RETREG2: variants seen among roughly 807,000 people sequenced by gnomAD.
RETREG2 encodes the protein reticulophagy regulator 2.
A neutral mutation model predicts 51.6 loss-of-function variants in RETREG2; 21 were observed. That is an observed-to-expected ratio of 0.41 (90% CI 0.29 to 0.59). The LOEUF (loss-of-function observed/expected upper bound fraction) is 0.59, where lower values mean the gene tolerates loss of function less well. Ranked by LOEUF, RETREG2 falls within the 20% of genes least tolerant of loss-of-function variation. The pLI, the probability that RETREG2 is intolerant of heterozygous loss-of-function variation, is 0.34. For missense variants in RETREG2, 674 were observed against 646.0 expected (o/e 1.04, Z -0.47); for synonymous variants, 339 against 288.6 (o/e 1.17, Z -1.77).
rs556058840 is a variant in RETREG2 at position 219,178,513 on chromosome 2, C to A, written c.161C>A (p.Thr54Lys). Residue 54 changes from threonine to lysine, a missense_variant, in exon 1 of 9, where the codon ACG (threonine) becomes AAG (lysine). Thr to Lys is a moderately conservative substitution (Grantham distance 78). Coordinates refer to ENST00000430297, the MANE Select transcript of RETREG2 (RefSeq NM_024293.6). The stretch of plus-strand genomic sequence containing the variant: ...GCCGAGGCGGTGGGACGCCTGGCCA[C>A]GACGCTGTGGCTGCGGCTCCGCGGC... ...ATAEAVGRLATTLWLRLRGWE... is the reference protein window; with the variant it reads ...ATAEAVGRLAKTLWLRLRGWE... 1 of 1,400,534 alleles carries A rather than the reference C, an allele frequency of 7.1e-7. No homozygotes were observed. The allele number at this position is 1,400,534 out of a possible 1,614,324, so 86.8% of individuals were successfully genotyped here.
rs1012316005 is a variant in RETREG2, at chr2:219,183,141, C to T, written c.*512C>T. 2 of 164,136 alleles carry T rather than the reference C, an allele frequency of 1.2e-5. No homozygotes were observed. Among genetic ancestry groups the T allele is most frequent in the African/African-American group, 2.4e-5 (1 of 41,650 alleles). 10.2% of individuals were successfully genotyped at this position (164,136 alleles called of 1,614,324 possible). A position where few individuals can be genotyped will look rare whatever the true frequency, so the allele number is the denominator to read the frequency against. On this transcript the variant is annotated 3_prime_UTR_variant, in exon 9 of 9. Coordinates refer to ENST00000430297, the MANE Select transcript of RETREG2 (RefSeq NM_024293.6). ...CATCCTTTGCCAGCTCCTCCTATCCCGTGGGCACTGGCCAAGCTTTAGGGA... is the reference window on the plus strand; with the variant it reads ...CATCCTTTGCCAGCTCCTCCTATCCTGTGGGCACTGGCCAAGCTTTAGGGA...
chr2:219,179,641 G>C (rs1448484975), intron 2 of RETREG2, 92 bp from the exon 3 acceptor site: 6 of 1,241,724 alleles, frequency 4.8e-6, no homozygotes, highest in Non-Finnish European at 5.9e-6. Context: ...AGGTGCTCTG[G>C]GGCTGCAGAG....
chr2:219,180,993 G>A lies in RETREG2; in HGVS notation c.641-69G>A, dbSNP rs1054171846. ...GCCTACCTTCAGCACTTCAGTTTAG[G>A]GACCAGTTGAATGGGGGCTCTTAGG... On this transcript the variant is annotated intron_variant, in intron 5 of 8. Transcript: ENST00000430297. 90 of 1,594,126 alleles carry A rather than the reference G, an allele frequency of 5.6e-5. 1 individual carries two copies. In the African/African-American group the frequency reaches 1.0e-3, roughly 19 times the overall value.
At chr2:219,181,299 CT>C in intron 6 of RETREG2, 69 bp from the exon 7 acceptor site, 1 of 1,606,488 alleles carries the variant, frequency 6.2e-7, no homozygotes, top group Non-Finnish European at 8.5e-7. Context: ...TTCTCCAGTT[CT>C]TTAGCTGTGT....
rs774776092 is a variant in RETREG2 at position 219,179,766 on chromosome 2, G to C, written c.419+3G>C. 6.2e-7 allele frequency: 1 copy of C among 1,613,992 alleles called. No individual in the cohort carries two copies. The highest frequency in any genetic ancestry group is 8.5e-7 in the Non-Finnish European group (1 of 1,179,876). On this transcript the variant is annotated splice_donor_region_variant and intron_variant, in intron 3 of 8. Transcript: ENST00000430297. ...CCAGAGGAGCCACACTCTGACAGGT[G>C]AGTACAGGCCACCTCTTGAAGACAA...
Position 219,180,727 on chromosome 2 carries a change from C to G in RETREG2, c.613C>G (p.Pro205Ala). The part of the protein sequence containing the change: ...AVLAVLGHYV[P>A]GIMISYIVLL... The stretch of plus-strand genomic sequence containing the variant: ...GTTGGCTGTGTTGGGACACTATGTT[C>G]CAGGGATTATGATTTCCTACATTGT... Residue 205 changes from proline to alanine, a missense_variant, in exon 5 of 9, where the codon CCA becomes GCA. By Grantham distance (27) the Pro-to-Ala change is conservative. Coordinates refer to ENST00000430297, the MANE Select transcript of RETREG2 (RefSeq NM_024293.6). 1 of 1,614,026 alleles carries G rather than the reference C, an allele frequency of 6.2e-7. No individual in the cohort carries two copies. The highest frequency in any genetic ancestry group is 8.5e-7 in the Non-Finnish European group (1 of 1,179,914).
intron 2 of RETREG2, among the ~76,000 whole-genome samples, 190 bp downstream of exon 2, chr2:219,179,218 C>G (rs1197379711): frequency 6.6e-6 from 1 of 152,298 alleles, no homozygotes; most frequent in Non-Finnish European, 1.5e-5. Flanking sequence ...ACTGTAGGTG[C>G]AGTGGTTAAG....
rs557648857 is a variant in RETREG2, at chr2:219,182,564, C to A, written c.1567C>A (p.Leu523Met). 6.2e-7 allele frequency: 1 copy of A among 1,614,206 alleles called. No individual in the cohort carries two copies. The highest frequency in any genetic ancestry group is 8.5e-7 in the Non-Finnish European group (1 of 1,180,034). ...TPPKPPDAPP[L>M]GPDIHSLVQS... ...GCCAAAACCCCCTGATGCTCCACCC[C>A]TGGGGCCCGACATCCATTCTCTGGT... The change falls in exon 9 of 9, where the codon CTG (leucine) becomes ATG (methionine). Residue 523 changes from leucine (L) to methionine (M), a missense_variant. Leu to Met is a conservative substitution (Grantham distance 15, BLOSUM62 2). Transcript: ENST00000430297.
Position 219,181,370 on chromosome 2 carries a change from G to C in RETREG2, c.786G>C (p.Lys262Asn). The C allele has an allele frequency of 6.2e-7, 1 of 1,613,980 alleles. No homozygotes were observed. ...GCTCTACTACTCTTGCTTTTCTAGAGCGTCAGGGGAAGAATGCACCCCCAG... is the reference window on the plus strand; with the variant it reads ...GCTCTACTACTCTTGCTTTTCTAGACCGTCAGGGGAAGAATGCACCCCCAG... ...NALHHKHDKR[K>N]RQGKNAPPGG... The change falls in exon 7 of 9, where the codon AAG becomes AAC. Residue 262 changes from lysine to asparagine, a missense_variant and splice_region_variant. Physicochemically the swap from Lys to Asn is moderately conservative, Grantham distance 94. Coordinates refer to ENST00000430297, the MANE Select transcript of RETREG2 (RefSeq NM_024293.6).
chr2:219,181,615 G>C lies in RETREG2; in HGVS notation c.880-25G>C, dbSNP rs200092175. ...TGGTTCTCTTATCCCCTCACATGTC[G>C]TGTTCATCCTGGTTCTCCTGCCAGG... On this transcript the variant is annotated intron_variant, in intron 7 of 8. Transcript: ENST00000430297. 1.9e-6 allele frequency: 3 copies of C among 1,612,720 alleles called. No homozygotes were observed. In the South Asian group the frequency reaches 3.3e-5, roughly 18 times the overall value.
Position 219,181,997 on chromosome 2 carries a change from T to C in RETREG2, c.1016-16T>C. ...CCAGCAGCAGGCCCATTCTTAATTC[T>C]TTGTTCTCTGCACAGATTTGGACCA... On this transcript the variant is annotated splice_polypyrimidine_tract_variant and intron_variant, in intron 8 of 8. Transcript: ENST00000430297. The C allele has an allele frequency of 1.2e-6, 2 of 1,609,820 alleles. No homozygotes were observed. Among genetic ancestry groups the C allele is most frequent in the Non-Finnish European group, 1.7e-6 (2 of 1,176,854 alleles).
At chr2:219,179,699 C>T in intron 2 of RETREG2, 34 bp from the exon 3 acceptor site, 1 of 1,611,058 alleles carries the variant, frequency 6.2e-7, no homozygotes, top group Non-Finnish European at 8.5e-7. Context: ...GGGCCCCTAC[C>T]ACTCAATAAT....
chr2:219,181,789 T>G lies in RETREG2; in HGVS notation c.1015+14T>G. ...ATGTCTCCGAGGGTATGGGGAGCCC[T>G]TTGCTGCCCTGCTCCCCGCCACAAT... On this transcript the variant is annotated intron_variant, in intron 8 of 8. Transcript: ENST00000430297. 6.2e-7 allele frequency: 1 copy of G among 1,609,040 alleles called. No individual in the cohort carries two copies. The highest frequency in any genetic ancestry group is 1.1e-5 in the South Asian group (1 of 90,914).
In RETREG2 at chr2:219,178,555, C is replaced by T. The variant is rs772935429; in HGVS notation, c.203C>T (p.Ala68Val). ...LRLRGWEAVL[A>V]AAQRLLVWEK... The stretch of plus-strand genomic sequence containing the variant: ...CTCCGCGGCTGGGAGGCGGTGCTGG[C>T]GGCGGCGCAGCGGTTGCTGGTGTGG... Residue 68 changes from alanine (A) to valine (V), a missense_variant, in exon 1 of 9, where the codon GCG (alanine) becomes GTG (valine). Transcript: ENST00000430297. 6.9e-7 allele frequency: 1 copy of T among 1,446,882 alleles called. No homozygotes were observed. Among genetic ancestry groups the T allele is most frequent in the East Asian group, 2.9e-5 (1 of 34,670 alleles). 89.6% of individuals were successfully genotyped at this position (1,446,882 alleles called of 1,614,324 possible). A position where few individuals can be genotyped will look rare whatever the true frequency, so the allele number is the denominator to read the frequency against.
intron 3 of RETREG2, 113 bp downstream of exon 3, chr2:219,179,876 A>G: frequency 7.6e-7 from 1 of 1,308,390 alleles, no homozygotes; most frequent in Non-Finnish European, 1.1e-6. Flanking sequence ...ACTGGTAACA[A>G]GCCATGGGTT....
chr2:219,179,146 C>A (rs912397826), intron 2 of RETREG2, 118 bp downstream of exon 2: 1 of 782,182 alleles, frequency 1.3e-6, no homozygotes. Context: ...CCAGGCATGG[C>A]CCACTTCCTT....
chr2:219,179,270 G>A (rs538198804), intron 2 of RETREG2, among the ~76,000 whole-genome samples: 1 of 152,334 alleles, frequency 6.6e-6, no homozygotes, highest in African/African-American at 2.4e-5. Context: ...TCCATTCTCT[G>A]TTCTGCCATT....
chr2:219,181,324 C>A, intron 6 of RETREG2, 45 bp from the exon 7 acceptor site: 1 of 1,607,336 alleles, frequency 6.2e-7, no homozygotes, highest in Non-Finnish European at 8.5e-7. Flanking sequence ...TCTCCCCTCC[C>A]ATCATTCATG....
At chr2:219,179,684 T>C (rs1574782203) in intron 2 of RETREG2, 49 bp from the exon 3 acceptor site, 1 of 1,587,980 alleles carries the variant, frequency 6.3e-7, no homozygotes, top group Non-Finnish European at 8.6e-7. Context: ...GGGGAGTGTC[T>C]CCCAGGGCCC....
Sources: gnomAD v4.1 joint callset for allele counts (sites outside exome capture counted in the v4.1 genomes callset) on GRCh38, gnomAD v4.1.1 for gene constraint, MANE v1.5 for transcripts, NCBI Gene and HGNC (gene_info 2026-07-23, HGNC 2026-07-21) for gene names.